Variants in CABIN1 observed in about 807,000 individuals in gnomAD.
CABIN1 encodes the protein calcineurin-binding protein cabin-1.
Under a neutral mutation model 227.7 loss-of-function variants are expected in CABIN1, and 133 were observed. The observed-to-expected ratio is 0.58, with a 90% CI of 0.51 to 0.67. The LOEUF (loss-of-function observed/expected upper bound fraction) is 0.67, where lower values mean the gene tolerates loss of function less well. Ranked by LOEUF, CABIN1 falls within the 30% of genes least tolerant of loss-of-function variation. The pLI is 0.00. For synonymous variants in CABIN1, 1,086 were observed against 1,155.1 expected (o/e 0.94, Z 1.21); for missense variants, 2,408 against 2,852.5 (o/e 0.84, Z 3.55).
At chr22:24,171,087 A>C (rs1175661086) in intron 33 of CABIN1, among the ~76,000 whole-genome samples, 3 of 152,198 alleles carry the variant, frequency 2.0e-5, no homozygotes, top group African/African-American at 7.2e-5. Flanking sequence ...TGTGTGGATG[A>C]AGACTCGGAG....
intron 18 of CABIN1, 22 bp downstream of exon 18, chr22:24,072,532 T>TG: frequency 6.2e-7 from 1 of 1,613,878 alleles, no homozygotes; most frequent in Non-Finnish European, 8.5e-7. Flanking sequence ...GTGGGTGCAG[T>TG]GGGGATGAGC....
rs547517264 is a variant in CABIN1 at position 24,101,921 on chromosome 22, G to A, written c.4117+3729G>A. ...ATTACGCCCTACCACTCAATGCTGT[G>A]TGCTTGCTCTGTGCTGGGCTCTGGG... On this transcript the variant is annotated intron_variant, in intron 26 of 36. Coordinates refer to ENST00000263119, the MANE Select transcript of CABIN1 (RefSeq NM_012295.4). Among the ~76,000 whole-genome samples, 5 of 152,312 alleles carry A rather than the reference G, an allele frequency of 3.3e-5. 1 individual carries two copies. In the South Asian group the frequency reaches 1.0e-3, roughly 32 times the overall value.
intron 29 of CABIN1, among the ~76,000 whole-genome samples, chr22:24,159,119 G>C (rs1044115754): frequency 1.3e-5 from 2 of 152,206 alleles, no homozygotes; most frequent in Admixed American, 6.5e-5. Context: ...TTGGCTCACA[G>C]ATCTTGAGTC....
intron 26 of CABIN1, among the ~76,000 whole-genome samples, chr22:24,105,805 T>A (rs371916478): frequency 2.0e-5 from 3 of 152,202 alleles, no homozygotes; most frequent in African/African-American, 7.2e-5. Flanking sequence ...TCTGACTTCT[T>A]CCATCTGGCC....
At chr22:24,147,264 C>T (rs1302246032) in intron 29 of CABIN1, among the ~76,000 whole-genome samples, 1 of 136,162 alleles carries the variant, frequency 7.3e-6, no homozygotes, top group South Asian at 2.7e-4. Context: ...TCCCTCCCTC[C>T]GTCCCTGCCT....
chr22:24,035,697 C>T (rs781322406), intron 2 of CABIN1, among the ~76,000 whole-genome samples, 177 bp downstream of exon 2: 1 of 152,022 alleles, frequency 6.6e-6, no homozygotes, highest in African/African-American at 2.4e-5. Context: ...GTGGTTGAAG[C>T]GGCTTGCAGG....
rs1042803906 is a variant in CABIN1, at chr22:24,177,425, G to A, written c.6206-79G>A. On this transcript the variant is annotated intron_variant, in intron 35 of 36. Transcript: ENST00000263119. This position sits in a 1 kb window ranked among gnomAD's most constrained non-coding sequence, Gnocchi z 4.4. ...CAGCATAAAGGCCCAGGACCTGGGGGGAGCGGGTGGGGGCGAGATAAAGTG... is the reference window on the plus strand; with the variant it reads ...CAGCATAAAGGCCCAGGACCTGGGGAGAGCGGGTGGGGGCGAGATAAAGTG... 1 of 1,247,188 alleles carries A rather than the reference G, an allele frequency of 8.0e-7. No homozygotes were observed. The highest frequency in any genetic ancestry group is 1.1e-6 in the Non-Finnish European group (1 of 903,734). 77.3% of individuals were successfully genotyped at this position (1,247,188 alleles called of 1,614,324 possible).
intron 9 of CABIN1, among the ~76,000 whole-genome samples, chr22:24,055,420 T>C (rs1041475152): frequency 6.6e-6 from 1 of 152,216 alleles, no homozygotes; most frequent in Non-Finnish European, 1.5e-5. Context: ...TCCTTGACAG[T>C]TCCCCCAGGA....
At chr22:24,113,137 GTTATAT>G (rs1413944497) in intron 26 of CABIN1, among the ~76,000 whole-genome samples, 3 of 152,210 alleles carry the variant, frequency 2.0e-5, no homozygotes, top group African/African-American at 7.2e-5. Context: ...ATTTGTTTCT[GTTATAT>G]TTATATGGTA....
intron 34 of CABIN1, 149 bp downstream of exon 34, chr22:24,172,144 T>C (rs558616968): frequency 3.1e-5 from 29 of 921,304 alleles, no homozygotes; most frequent in African/African-American, 1.6e-4. Flanking sequence ...TGACCGCGGG[T>C]CCACTCACCA....
At chr22:24,084,441 T>C in intron 20 of CABIN1, 138 bp from the exon 21 acceptor site, 4 of 786,056 alleles carry the variant, frequency 5.1e-6, no homozygotes, top group South Asian at 2.8e-5. Context: ...TTAAGTATAA[T>C]GGGGATTTGT....
chr22:24,054,406 G>A (rs1234634500), intron 8 of CABIN1, among the ~76,000 whole-genome samples: 1 of 152,180 alleles, frequency 6.6e-6, no homozygotes, highest in Non-Finnish European at 1.5e-5. Context: ...CTCCCCATAG[G>A]CCCTGCCCAT....
At chr22:24,014,748 C>T (rs1290006764) in intron 1 of CABIN1, among the ~76,000 whole-genome samples, 1 of 152,158 alleles carries the variant, frequency 6.6e-6, no homozygotes, top group Non-Finnish European at 1.5e-5. Context: ...AAGGTATACT[C>T]AGAGAAGTGT....
At chr22:24,044,576 C>T (rs2037695781) in intron 6 of CABIN1, among the ~76,000 whole-genome samples, 1 of 152,174 alleles carries the variant, frequency 6.6e-6, no homozygotes, top group African/African-American at 2.4e-5. Context: ...CTCTTATTTT[C>T]TCTATTTTAG....
chr22:24,052,986 AAGAT>A (rs1190669597), intron 8 of CABIN1, among the ~76,000 whole-genome samples: 1 of 152,022 alleles, frequency 6.6e-6, no homozygotes, highest in Non-Finnish European at 1.5e-5. Context: ...AGGCAGGAAA[AAGAT>A]AGAAGAAATT....
At chr22:24,018,428 T>G (rs1018769973) in intron 1 of CABIN1, among the ~76,000 whole-genome samples, 1 of 152,206 alleles carries the variant, frequency 6.6e-6, no homozygotes, top group Non-Finnish European at 1.5e-5. Context: ...CAGTATCTCC[T>G]TTAGTAGTTG....
chr22:24,101,303 T>A (rs571082242), intron 26 of CABIN1, among the ~76,000 whole-genome samples: 25 of 152,326 alleles, frequency 1.6e-4, no homozygotes, highest in Admixed American at 6.5e-4. Flanking sequence ...GAAAAATAGC[T>A]CCAGGTACAT....
chr22:24,062,760 G>A (rs899982363), intron 13 of CABIN1, among the ~76,000 whole-genome samples, 199 bp from the exon 14 acceptor site: 1 of 152,222 alleles, frequency 6.6e-6, no homozygotes, highest in South Asian at 2.1e-4. Context: ...TCGGCAGGGG[G>A]CAGGGTCTCT....
At chr22:24,174,075 C>T (rs2046977810) in intron 34 of CABIN1, among the ~76,000 whole-genome samples, 1 of 150,570 alleles carries the variant, frequency 6.6e-6, no homozygotes, top group Admixed American at 6.6e-5. Flanking sequence ...GAACTCCTGA[C>T]CTCAGGTGAT....
Sources: allele counts gnomAD v4.1 joint callset (sites outside exome capture counted in the v4.1 genomes callset), GRCh38; gene constraint gnomAD v4.1.1; non-coding constraint Gnocchi (gnomAD v3.1); transcripts MANE v1.5; gene names NCBI Gene and HGNC (gene_info 2026-07-23, HGNC 2026-07-21).